Variants in PHLPP1 observed in about 807,000 individuals in gnomAD.
The protein encoded by PHLPP1 is PH domain leucine-rich repeat-containing protein phosphatase 1.
PHLPP1 carries 42 observed loss-of-function variants against 117.2 expected under a neutral mutation model. The observed-to-expected ratio is 0.36, with a 90% CI of 0.28 to 0.46. The LOEUF (loss-of-function observed/expected upper bound fraction) is 0.46, where lower values mean the gene tolerates loss of function less well. Among genes scored for constraint, PHLPP1 ranks in the 20% least tolerant of loss-of-function variants. The pLI, the probability that PHLPP1 is intolerant of heterozygous loss-of-function variation, is 1.00. For missense variants in PHLPP1, 2,084 were observed against 2,241.9 expected (o/e 0.93, Z 1.42); for synonymous variants, 1,042 against 970.7 (o/e 1.07, Z -1.37).
At chr18:62,819,713 TG>T (rs1309743483) in intron 1 of PHLPP1, among the ~76,000 whole-genome samples, 1 of 152,240 alleles carries the variant, frequency 6.6e-6, no homozygotes, top group African/African-American at 2.4e-5. Flanking sequence ...TGGTGCAATC[TG>T]GGCTCACTGC....
intron 6 of PHLPP1, 84 bp downstream of exon 6, chr18:62,896,095 C>G (rs1916556598): frequency 3.9e-6 from 3 of 766,500 alleles, no homozygotes; most frequent in Middle Eastern, 2.3e-4. Context: ...CCAAGGCAAA[C>G]AAGCTGGGTA....
intron 4 of PHLPP1, among the ~76,000 whole-genome samples, chr18:62,875,007 T>C (rs1916012119): frequency 6.6e-6 from 1 of 152,186 alleles, no homozygotes; most frequent in Admixed American, 6.5e-5. Context: ...CAGGCTGGAG[T>C]ACAGTGGCGC....
At chr18:62,964,401 T>A (rs1234223304) in intron 14 of PHLPP1, among the ~76,000 whole-genome samples, 2 of 152,206 alleles carry the variant, frequency 1.3e-5, no homozygotes, top group Non-Finnish European at 2.9e-5. Context: ...TGAATACTCT[T>A]CATAGAAAAT....
intron 1 of PHLPP1, among the ~76,000 whole-genome samples, chr18:62,736,433 A>G (rs767798151): frequency 4.6e-5 from 7 of 152,152 alleles, no homozygotes; most frequent in Non-Finnish European, 8.8e-5. Context: ...TGATGTGGAT[A>G]TTATCCTGGG....
At chr18:62,889,975 C>A (rs1916367740) in intron 4 of PHLPP1, among the ~76,000 whole-genome samples, 1 of 152,102 alleles carries the variant, frequency 6.6e-6, no homozygotes, top group Non-Finnish European at 1.5e-5. Flanking sequence ...CTACCTGGCA[C>A]TTGTGGTATT....
chr18:62,831,662 G>T (rs1215535357), intron 2 of PHLPP1, among the ~76,000 whole-genome samples: 11 of 152,154 alleles, frequency 7.2e-5, no homozygotes, highest in Non-Finnish European at 1.6e-4. Flanking sequence ...TTAATTGGTT[G>T]TCTAAATGTC....
At chr18:62,913,843 A>G (rs1212355607) in intron 8 of PHLPP1, among the ~76,000 whole-genome samples, 3 of 149,332 alleles carry the variant, frequency 2.0e-5, no homozygotes, top group Non-Finnish European at 4.4e-5. Context: ...TCCCGGGTTC[A>G]AACGATTCTC....
Position 62,866,695 on chromosome 18 carries a change from G to T in PHLPP1, c.2066+6094G>T, listed in dbSNP as rs115177572. On this transcript the variant is annotated intron_variant, in intron 4 of 16. Transcript: ENST00000262719. ...AAATGCTCCCAAAGAGCCAGTATTT[G>T]TGGAATAAATATCCAGGTGGAGGGA... Among the ~76,000 whole-genome samples the T allele has an allele frequency of 8.2e-3, 1,245 of 152,312 alleles. 19 individuals carry two copies. Among genetic ancestry groups the T allele is most frequent in the African/African-American group, 0.029 (1,191 of 41,584 alleles).
chr18:62,765,572 G>C (rs1046845488), intron 1 of PHLPP1, among the ~76,000 whole-genome samples: 2 of 152,166 alleles, frequency 1.3e-5, no homozygotes, highest in African/African-American at 2.4e-5. Context: ...GTCTTCCACT[G>C]TTTGTTGCTT....
chr18:62,892,082 C>CTTTTTTTTTTTTTTTTT (rs200141250), intron 4 of PHLPP1, among the ~76,000 whole-genome samples: 35 of 107,954 alleles, frequency 3.2e-4, no homozygotes, highest in Middle Eastern at 8.3e-3. Flanking sequence ...TTCTTTCTTT[C>CTTTTTTTTTTTTTTTTT]TTTTTTTTTT....
chr18:62,887,632 G>T (rs920707760), intron 4 of PHLPP1, among the ~76,000 whole-genome samples: 3 of 152,200 alleles, frequency 2.0e-5, no homozygotes, highest in Non-Finnish European at 4.4e-5. Context: ...AATCCCAATT[G>T]TAAGGACAAA....
intron 2 of PHLPP1, among the ~76,000 whole-genome samples, chr18:62,833,910 G>A (rs548567324): frequency 6.6e-6 from 1 of 152,152 alleles, no homozygotes; most frequent in African/African-American, 2.4e-5. Flanking sequence ...AGTAGTTTGC[G>A]AGTGGAGTTA....
intron 1 of PHLPP1, among the ~76,000 whole-genome samples, chr18:62,736,677 C>T (rs1029335747): frequency 1.6e-4 from 24 of 152,134 alleles, no homozygotes; most frequent in African/African-American, 5.1e-4. Context: ...CATTGAAGGA[C>T]TGGTTTTGCT....
At chr18:62,739,382 A>C (rs1911457600) in intron 1 of PHLPP1, among the ~76,000 whole-genome samples, 1 of 152,208 alleles carries the variant, frequency 6.6e-6, no homozygotes, top group Non-Finnish European at 1.5e-5. Context: ...GTTACCTTTC[A>C]GCGGGATATG....
intron 1 of PHLPP1, among the ~76,000 whole-genome samples, chr18:62,782,364 A>T (rs1395807344): frequency 6.6e-6 from 1 of 152,226 alleles, no homozygotes; most frequent in Non-Finnish European, 1.5e-5. Context: ...AAGGAGCAAG[A>T]TGTAATAGTT....
At position 62,875,396 on chromosome 18, in the gene PHLPP1, G is replaced by A. The variant is rs1194495316; in HGVS notation, c.2066+14795G>A. On this transcript the variant is annotated intron_variant, in intron 4 of 16. Transcript: ENST00000262719. Reference sequence around the variant, plus strand: ...TGTGTGTTACTATTGTCCCCTGACAGTTTTATAAAATTCTGTGTAATAGTT... The same window carrying A: ...TGTGTGTTACTATTGTCCCCTGACAATTTTATAAAATTCTGTGTAATAGTT... Among the ~76,000 whole-genome samples, 5 of 152,182 alleles carry A rather than the reference G, an allele frequency of 3.3e-5. No homozygotes were observed. The East Asian group carries it at 9.6e-4, about 29-fold the overall frequency.
intron 4 of PHLPP1, among the ~76,000 whole-genome samples, chr18:62,889,330 G>A (rs1315365944): frequency 6.6e-6 from 1 of 152,150 alleles, no homozygotes; most frequent in Non-Finnish European, 1.5e-5. Flanking sequence ...TATAGGTCTA[G>A]GGTACGAGTA....
chr18:62,930,729 A>G (rs931907566), intron 10 of PHLPP1, among the ~76,000 whole-genome samples: 1 of 152,252 alleles, frequency 6.6e-6, no homozygotes, highest in African/African-American at 2.4e-5. Context: ...CAACAACCAC[A>G]GAATATACAT....
chr18:62,894,886 G>T, intron 4 of PHLPP1, 125 bp from the exon 5 acceptor site: 2 of 747,046 alleles, frequency 2.7e-6, no homozygotes, highest in Non-Finnish European at 2.2e-6. Context: ...AACCTCTCTG[G>T]GGCCCCCATT....
Sources: gnomAD v4.1 joint callset for allele counts (sites outside exome capture counted in the v4.1 genomes callset) on GRCh38, gnomAD v4.1.1 for gene constraint, MANE v1.5 for transcripts, NCBI Gene and HGNC (gene_info 2026-07-23, HGNC 2026-07-21) for gene names.